EFCAB6: variants seen among roughly 807,000 people sequenced by gnomAD.
EFCAB6 encodes EF-hand calcium binding domain 6, also known as EF-hand calcium-binding domain-containing protein 6.
Under a neutral mutation model 169.8 loss-of-function variants are expected in EFCAB6, and 156 were observed. The observed-to-expected ratio is 0.92, with a 90% CI of 0.81 to 1.05. EFCAB6 has a LOEUF of 1.05. Among genes scored for constraint, EFCAB6 ranks in the 50% least tolerant of loss-of-function variants. EFCAB6 has a pLI of 0.00. For missense variants in EFCAB6, 1,800 were observed against 1,829.1 expected, an observed-to-expected ratio of 0.98 and a Z score of 0.29; for synonymous variants, 698 against 676.4, an observed-to-expected ratio of 1.03 and a Z score of -0.50.
intron 20 of EFCAB6, among the ~76,000 whole-genome samples, chr22:43,620,504 C>A (rs1190509222): frequency 6.6e-6 from 1 of 152,060 alleles, no homozygotes; most frequent in Non-Finnish European, 1.5e-5. Flanking sequence ...GCAAAAATAT[C>A]TTTCAAGAAT....
intron 12 of EFCAB6, among the ~76,000 whole-genome samples, chr22:43,681,902 A>C (rs899371682): frequency 1.4e-4 from 21 of 152,238 alleles, no homozygotes; most frequent in Admixed American, 6.5e-5. Context: ...TGATCACAGC[A>C]GTTGGGTCCA....
At chr22:43,658,752 T>C (rs1229964638) in intron 17 of EFCAB6, among the ~76,000 whole-genome samples, 1 of 152,130 alleles carries the variant, frequency 6.6e-6, no homozygotes, top group Non-Finnish European at 1.5e-5. Context: ...TAACAACTTC[T>C]GAAGGTTGTG....
At chr22:43,633,954 A>T (rs1351301278) in intron 18 of EFCAB6, among the ~76,000 whole-genome samples, 5 of 152,132 alleles carry the variant, frequency 3.3e-5, no homozygotes, top group Admixed American at 3.3e-4. Flanking sequence ...ACCTTGCTAG[A>T]ATCTTCATGT....
intron 21 of EFCAB6, among the ~76,000 whole-genome samples, chr22:43,609,438 A>G (rs1021511104): frequency 2.6e-5 from 4 of 152,252 alleles, no homozygotes. Context: ...CCACAAATAA[A>G]TTATTATAAG....
chr22:43,564,459 GA>G lies in EFCAB6; in HGVS notation c.3421-9364del, dbSNP rs111587042. On this transcript the variant is annotated intron_variant, in intron 26 of 31. Transcript: ENST00000262726. The stretch of plus-strand genomic sequence containing the variant: ...CAAAACTATGTCTCAGAAAAAAAAA[GA>G]AAAAAAAAAAAAGAAGGTGCTGTCC... Among the ~76,000 whole-genome samples, 211 of 139,342 alleles carry G rather than the reference GA, an allele frequency of 1.5e-3. 1 individual carries two copies. Among genetic ancestry groups the G allele is most frequent in the South Asian group, 6.9e-4 (3 of 4,358 alleles). The allele number at this position is 139,342 out of a possible 152,430, so 91.4% of individuals were successfully genotyped here.
chr22:43,583,603 C>A (rs1190948703), intron 24 of EFCAB6, among the ~76,000 whole-genome samples: 3 of 3,684 alleles, frequency 8.1e-4, no homozygotes, highest in African/African-American at 3.7e-3. Flanking sequence ...AAGGTAATGA[C>A]CTTTTAGCAG....
At chr22:43,534,985 C>A in intron 29 of EFCAB6, 113 bp from the exon 30 acceptor site, 1 of 1,163,760 alleles carries the variant, frequency 8.6e-7, no homozygotes, top group Non-Finnish European at 1.2e-6. Context: ...CTGGCTTGGT[C>A]CTCACATCAA....
Position 43,599,509 on chromosome 22 carries a change from C to CAAA in EFCAB6, c.2876+557_2876+559dup, listed in dbSNP as rs58130994. ...TGGGAGACAGAGTGAGATTCCATCT[C>CAAA]AAAAAAAAAAAAAAAAAAAAAAAAA... On this transcript the variant is annotated intron_variant, in intron 23 of 31. Transcript: ENST00000262726. 5.7e-4 allele frequency among the ~76,000 whole-genome samples: 25 copies of CAAA among 44,244 alleles called. 4 individuals are homozygous for CAAA. The highest frequency in any genetic ancestry group is 1.5e-3 in the South Asian group (1 of 650). The allele number at this position is 44,244 out of a possible 152,430, so 29.0% of individuals were successfully genotyped here.
At chr22:43,575,518 G>A (rs1379041958) in intron 26 of EFCAB6, among the ~76,000 whole-genome samples, 3 of 151,882 alleles carry the variant, frequency 2.0e-5, no homozygotes, top group African/African-American at 7.3e-5. Context: ...AGCAGCTTAA[G>A]TGCATCAACT....
chr22:43,799,021 T>C (rs2062609189), intron 2 of EFCAB6, among the ~76,000 whole-genome samples: 1 of 152,092 alleles, frequency 6.6e-6, no homozygotes, highest in African/African-American at 2.4e-5. Flanking sequence ...TGGTACTCCC[T>C]TGATAAAAAT....
At chr22:43,784,871 G>A (rs1048956823) in intron 2 of EFCAB6, among the ~76,000 whole-genome samples, 1 of 150,074 alleles carries the variant, frequency 6.7e-6, no homozygotes, top group Non-Finnish European at 1.5e-5. Context: ...CTGAGACCCT[G>A]TCTCTAAATA....
chr22:43,680,366 A>G (rs1334859340), intron 12 of EFCAB6, among the ~76,000 whole-genome samples: 1 of 152,158 alleles, frequency 6.6e-6, no homozygotes, highest in African/African-American at 2.4e-5. Flanking sequence ...TAAGATTCAA[A>G]TTCTGGAAGT....
At chr22:43,573,868 A>T (rs1047500640) in intron 26 of EFCAB6, among the ~76,000 whole-genome samples, 5 of 152,222 alleles carry the variant, frequency 3.3e-5, no homozygotes, top group African/African-American at 1.2e-4. Context: ...GACATAAACA[A>T]CTTCTACGAA....
chr22:43,755,206 G>A (rs2060910668), intron 6 of EFCAB6, among the ~76,000 whole-genome samples: 1 of 152,210 alleles, frequency 6.6e-6, no homozygotes. Context: ...AAAGGAGTCT[G>A]ATTCCAACCC....
At chr22:43,545,513 G>T (rs910496643) in intron 27 of EFCAB6, among the ~76,000 whole-genome samples, 3 of 152,194 alleles carry the variant, frequency 2.0e-5, no homozygotes, top group African/African-American at 4.8e-5. Flanking sequence ...CCCCAAAGAC[G>T]GGTGAACAAA....
intron 6 of EFCAB6, among the ~76,000 whole-genome samples, chr22:43,739,478 G>A (rs1283682196): frequency 3.3e-5 from 5 of 152,014 alleles, no homozygotes; most frequent in South Asian, 2.1e-4. Flanking sequence ...TAACTTCTTG[G>A]TGGTTCACTC....
At chr22:43,651,466 C>T (rs1004392659) in intron 17 of EFCAB6, among the ~76,000 whole-genome samples, 2 of 152,238 alleles carry the variant, frequency 1.3e-5, no homozygotes, top group African/African-American at 2.4e-5. Context: ...GAAGTTTGCC[C>T]GCAGGGGCAG....
intron 31 of EFCAB6, 32 bp downstream of exon 31, chr22:43,530,783 T>C: frequency 6.2e-7 from 1 of 1,611,094 alleles, no homozygotes; most frequent in Non-Finnish European, 8.5e-7. Flanking sequence ...AGCTGCTCCC[T>C]GCAGAGGCAC....
intron 26 of EFCAB6, among the ~76,000 whole-genome samples, chr22:43,567,693 C>T (rs1469827564): frequency 6.6e-6 from 1 of 152,162 alleles, no homozygotes; most frequent in Non-Finnish European, 1.5e-5. Context: ...GTTTCTACCT[C>T]TCTGTTTCCC....
Sources: allele counts gnomAD v4.1 joint callset (sites outside exome capture counted in the v4.1 genomes callset), GRCh38; gene constraint gnomAD v4.1.1; transcripts MANE v1.5; gene names NCBI Gene and HGNC (gene_info 2026-07-23, HGNC 2026-07-21).